The following AKAP9 variants were observed in gnomAD, a reference collection of about 807,000 sequenced individuals.
AKAP9 encodes A-kinase anchoring protein 9.
In AKAP9, 311 loss-of-function variants were observed where a neutral mutation model predicts 488.5. The observed-to-expected ratio is 0.64, with a 90% confidence interval of 0.58 to 0.70. AKAP9 has a LOEUF of 0.70. AKAP9 is among the 30% of genes least tolerant of loss of function. The pLI is 0.00. For synonymous variants in AKAP9, 1,462 were observed against 1,483.5 expected (o/e 0.99, Z 0.33); for missense variants, 4,215 against 4,374.5 (o/e 0.96, Z 1.03).
intron 22 of AKAP9, chr7:92,058,089 T>G: frequency 2.0e-6 from 1 of 506,564 alleles, no homozygotes; most frequent in Non-Finnish European, 3.8e-6. Flanking sequence ...TGGTAGATCT[T>G]GATAAACTAA....
rs756091390 is a variant in AKAP9, at chr7:92,022,900, A to G, written c.4039A>G (p.Ile1347Val). 2.5e-6 allele frequency: 4 copies of G among 1,613,204 alleles called. No individual in the cohort carries two copies. In the South Asian group the frequency reaches 3.3e-5, roughly 13 times the overall value. ...EEQVQELESL[I>V]SSLQQQLKET... The stretch of plus-strand genomic sequence containing the variant: ...ACAAGTTCAAGAATTAGAAAGCCTC[A>G]TATCCTCTTTGCAGCAACAGTTGAA... Residue 1347 changes from isoleucine to valine, a missense_variant, in exon 14 of 50, where the codon ATA (isoleucine) becomes GTA (valine). Physicochemically the swap from Ile to Val is conservative, Grantham distance 29 (BLOSUM62 3). This residue lies in a region of AKAP9 where 2,361 missense variants were observed against 2,430.0 expected (regional missense o/e 0.97). Coordinates refer to ENST00000356239, the MANE Select transcript of AKAP9 (RefSeq NM_005751.5).
rs375657019 is a variant in AKAP9, at chr7:92,079,067, A to G, written c.6946-12A>G. 1.7e-5 allele frequency: 27 copies of G among 1,552,080 alleles called. No homozygotes were observed. The highest frequency in any genetic ancestry group is 1.8e-4 in the Middle Eastern group (1 of 5,586). On this transcript the variant is annotated splice_polypyrimidine_tract_variant and intron_variant, in intron 30 of 49. Coordinates refer to ENST00000356239, the MANE Select transcript of AKAP9 (RefSeq NM_005751.5). Reference sequence around the variant, plus strand: ...ATATATTATGTATGTTACCTTTTTCATTAATTATTAGGTTATTGAAGAAAA... The same window carrying G: ...ATATATTATGTATGTTACCTTTTTCGTTAATTATTAGGTTATTGAAGAAAA...
chr7:92,024,146 T>C (rs1802728452), intron 14 of AKAP9, among the ~76,000 whole-genome samples: 1 of 151,670 alleles, frequency 6.6e-6, no homozygotes. Flanking sequence ...TCGTGGTGGC[T>C]CATGCCTGTA....
At chr7:91,996,207 A>C (rs1798384083) in intron 7 of AKAP9, among the ~76,000 whole-genome samples, 1 of 152,144 alleles carries the variant, frequency 6.6e-6, no homozygotes, top group South Asian at 2.1e-4. Flanking sequence ...ATGTTCCATA[A>C]ACTTAAGTGT....
chr7:91,959,213 T>TATTA (rs1489321076), intron 1 of AKAP9, among the ~76,000 whole-genome samples: 1 of 152,180 alleles, frequency 6.6e-6, no homozygotes, highest in Non-Finnish European at 1.5e-5. Flanking sequence ...AGCTACATGT[T>TATTA]ATTACATTGC....
Position 92,097,185 on chromosome 7 carries a change from A to C in AKAP9, c.10226A>C (p.Gln3409Pro). Residue 3409 changes from glutamine to proline, a missense_variant, in exon 41 of 50, where the codon CAG (glutamine) becomes CCG (proline). Coordinates refer to ENST00000356239, the MANE Select transcript of AKAP9 (RefSeq NM_005751.5). ...TEGQKKMHEL[Q>P]SKVEDLQRQL... is the part of the protein sequence containing the mutation. ...GGACAGAAAAAAATGCATGAGCTCC[A>C]GTCCAAAGTGGAAGATCTTCAGCGC... The C allele has an allele frequency of 6.2e-7, 1 of 1,613,394 alleles. No homozygotes were observed. The highest frequency in any genetic ancestry group is 8.5e-7 in the Non-Finnish European group (1 of 1,179,776).
intron 21 of AKAP9, among the ~76,000 whole-genome samples, chr7:92,050,533 A>G (rs1198305997): frequency 1.3e-5 from 2 of 152,188 alleles, no homozygotes; most frequent in Non-Finnish European, 1.5e-5. Flanking sequence ...CTAGACAAAT[A>G]ACATTACTAA....
At chr7:92,015,161 A>G (rs1014819918) in intron 10 of AKAP9, among the ~76,000 whole-genome samples, 1 of 152,172 alleles carries the variant, frequency 6.6e-6, no homozygotes, top group African/African-American at 2.4e-5. Context: ...TTAAGTCTAG[A>G]AGTTGGTGGT....
At chr7:91,946,111 G>T (rs1470068430) in intron 1 of AKAP9, among the ~76,000 whole-genome samples, 1 of 152,192 alleles carries the variant, frequency 6.6e-6, no homozygotes, top group Non-Finnish European at 1.5e-5. Flanking sequence ...CTCCATGCAA[G>T]CTGTATATTG....
intron 1 of AKAP9, among the ~76,000 whole-genome samples, chr7:91,941,934 A>G (rs944829863): frequency 2.6e-5 from 4 of 151,666 alleles, no homozygotes; most frequent in African/African-American, 9.7e-5. Flanking sequence ...AAAAGCCTGT[A>G]AAGCAAACAA....
At chr7:92,012,973 A>ATTTTTTTTTTTTT (rs749688986) in intron 9 of AKAP9, among the ~76,000 whole-genome samples, 3 of 60,752 alleles carry the variant, frequency 4.9e-5, no homozygotes, top group East Asian at 6.8e-4. Context: ...TGGGGTTGGA[A>ATTTTTTTTTTTTT]TTTTTTTTTT....
chr7:92,092,463 A>T (rs1815792873), intron 38 of AKAP9: 1 of 152,136 alleles, frequency 6.6e-6, no homozygotes, highest in South Asian at 2.1e-4. Context: ...TTTTTAATGT[A>T]CATTCTTGAA....
In AKAP9 at chr7:92,080,608, AAAAG is replaced by A. The variant is rs201144208; in HGVS notation, c.8019+459_8019+462del. Among the ~76,000 whole-genome samples the A allele has an allele frequency of 2.5e-3, 378 of 152,232 alleles. 1 individual carries two copies. Among genetic ancestry groups the A allele is most frequent in the African/African-American group, 8.7e-3 (360 of 41,538 alleles). On this transcript the variant is annotated intron_variant, in intron 31 of 49. Transcript: ENST00000356239. ...GAGCGAGACTCCATCTCAAAAAAAA[AAAAG>A]AAGAAGAAAAACTAGACAAACTAAA... is the stretch of plus-strand genomic sequence containing the variant.
At chr7:92,103,815 TTCTTCATTGCTAAGATA>T (rs1430204477) in intron 46 of AKAP9, among the ~76,000 whole-genome samples, 2 of 152,238 alleles carry the variant, frequency 1.3e-5, no homozygotes, top group African/African-American at 4.8e-5. Flanking sequence ...TACATTCATT[TTCTTCATTGCTAAGATA>T]ACCCACTTTT....
At chr7:92,022,581 A>G (rs1397532521) in intron 13 of AKAP9, among the ~76,000 whole-genome samples, 1 of 152,212 alleles carries the variant, frequency 6.6e-6, no homozygotes, top group East Asian at 1.9e-4. Flanking sequence ...TTAAAGATAT[A>G]AAATTTTGGA....
intron 38 of AKAP9, among the ~76,000 whole-genome samples, chr7:92,091,459 G>T (rs1192255434): frequency 6.6e-6 from 1 of 151,864 alleles, no homozygotes; most frequent in Non-Finnish European, 1.5e-5. Flanking sequence ...GATGCTCGGT[G>T]CCTGTAATCC....
intron 21 of AKAP9, among the ~76,000 whole-genome samples, chr7:92,047,501 G>A (rs539489704): frequency 5.9e-5 from 9 of 152,180 alleles, no homozygotes; most frequent in Non-Finnish European, 1.3e-4. Flanking sequence ...TTACAGGCGT[G>A]AGCCACTGCG....
chr7:92,090,789 T>A (rs1329837360), intron 38 of AKAP9: 1 of 152,190 alleles, frequency 6.6e-6, no homozygotes. Context: ...TGTGCATGCA[T>A]CTTCTGAGTA....
intron 48 of AKAP9, 132 bp downstream of exon 48, chr7:92,107,554 T>C: frequency 5.2e-6 from 5 of 954,350 alleles, no homozygotes; most frequent in Admixed American, 2.1e-5. Flanking sequence ...TTACATAATA[T>C]GACCAAGTGC....
Sources: allele counts gnomAD v4.1 joint callset (sites outside exome capture counted in the v4.1 genomes callset), GRCh38; gene constraint gnomAD v4.1.1; regional missense constraint gnomAD v4.1.1; transcripts MANE v1.5; gene names NCBI Gene and HGNC (gene_info 2026-07-23, HGNC 2026-07-21).